The following ZBTB7C variants were observed in gnomAD, a reference collection of about 807,000 sequenced individuals.
The protein encoded by ZBTB7C is zinc finger and BTB domain containing 7C, also known as zinc finger and BTB domain-containing protein 7C.
In ZBTB7C, 8 loss-of-function variants were observed where a neutral mutation model predicts 25.7. That is an observed-to-expected ratio of 0.31 (90% CI 0.18 to 0.56). The LOEUF (loss-of-function observed/expected upper bound fraction) is 0.56, where lower values mean the gene tolerates loss of function less well. Ranked by LOEUF, ZBTB7C falls within the 20% of genes least tolerant of loss-of-function variation. The pLI, the probability that ZBTB7C is intolerant of heterozygous loss-of-function variation, is 0.91. For synonymous variants in ZBTB7C, 394 were observed against 369.0 expected, an observed-to-expected ratio of 1.07 and a Z score of -0.78; for missense variants, 824 against 855.2, an observed-to-expected ratio of 0.96 and a Z score of 0.46.
At chr18:48,388,783 A>G (rs186047717) in intron 1 of ZBTB7C, among the ~76,000 whole-genome samples, 14 of 152,332 alleles carry the variant, frequency 9.2e-5, no homozygotes, top group African/African-American at 3.1e-4. Flanking sequence ...ACTGGCAAAC[A>G]CTAGTATCAC....
At chr18:48,153,106 T>G (rs1568261127) in intron 3 of ZBTB7C, among the ~76,000 whole-genome samples, 1 of 152,268 alleles carries the variant, frequency 6.6e-6, no homozygotes, top group Non-Finnish European at 1.5e-5. Flanking sequence ...ACAAAAGGGC[T>G]GGACTCTGAA....
At chr18:48,095,347 A>C (rs563057955) in intron 3 of ZBTB7C, among the ~76,000 whole-genome samples, 1 of 152,338 alleles carries the variant, frequency 6.6e-6, no homozygotes, top group East Asian at 1.9e-4. Context: ...AGAGCAAGAA[A>C]GAACAAGCTG....
At chr18:48,124,539 C>T (rs1452412296) in intron 3 of ZBTB7C, among the ~76,000 whole-genome samples, 1 of 152,160 alleles carries the variant, frequency 6.6e-6, no homozygotes, top group African/African-American at 2.4e-5. Context: ...ATCTGCATTG[C>T]CCCCTGCTGT....
intron 3 of ZBTB7C, among the ~76,000 whole-genome samples, chr18:48,070,417 T>A (rs144448394): frequency 1.5e-3 from 230 of 152,206 alleles, no homozygotes; most frequent in Non-Finnish European, 2.6e-3. Context: ...GAGAAAAGGA[T>A]TGGTGCTATC....
At chr18:48,162,948 G>A (rs1021607439) in intron 3 of ZBTB7C, among the ~76,000 whole-genome samples, 3 of 148,164 alleles carry the variant, frequency 2.0e-5, no homozygotes, top group African/African-American at 7.3e-5. Flanking sequence ...CAGTCAGTAG[G>A]AAGGGCTGAG....
intron 2 of ZBTB7C, among the ~76,000 whole-genome samples, chr18:48,284,359 A>G (rs572424900): frequency 2.0e-5 from 3 of 151,828 alleles, no homozygotes; most frequent in Non-Finnish European, 2.9e-5. Flanking sequence ...GGATCACTTG[A>G]GCCCAGGAGG....
At chr18:48,346,299 T>G (rs1315577799) in intron 1 of ZBTB7C, among the ~76,000 whole-genome samples, 1 of 152,244 alleles carries the variant, frequency 6.6e-6, no homozygotes, top group Non-Finnish European at 1.5e-5. Flanking sequence ...CACAAGGCTC[T>G]TTGCCATGCT....
At chr18:48,389,451 T>C (rs2047845016) in intron 1 of ZBTB7C, among the ~76,000 whole-genome samples, 1 of 145,572 alleles carries the variant, frequency 6.9e-6, no homozygotes, top group Admixed American at 6.9e-5. Context: ...TTTACTTTCA[T>C]GACTCTTGGA....
rs541965128 is a variant in ZBTB7C, at chr18:48,225,977, G to A, written c.-78-39982C>T. 9.9e-5 allele frequency among the ~76,000 whole-genome samples: 15 copies of A among 152,260 alleles called. No individual in the cohort carries two copies. The East Asian group carries it at 1.5e-3, about 16-fold the overall frequency. ...AGGATGGTCTCGATCGCTTGACCTCGCGATCCACCCGCTTTGGCGTCCCAA... is the reference window on the plus strand; with the variant it reads ...AGGATGGTCTCGATCGCTTGACCTCACGATCCACCCGCTTTGGCGTCCCAA... On this transcript the variant is annotated intron_variant, in intron 2 of 4. Coordinates refer to ENST00000590800, the MANE Select transcript of ZBTB7C (RefSeq NM_001318841.2).
chr18:48,051,547 C>A (rs1364130776), intron 3 of ZBTB7C, among the ~76,000 whole-genome samples: 1 of 151,518 alleles, frequency 6.6e-6, no homozygotes, highest in East Asian at 1.9e-4. Context: ...CGGAATTATG[C>A]CTATTTGACA....
At chr18:48,206,299 T>C (rs995343266) in intron 2 of ZBTB7C, among the ~76,000 whole-genome samples, 7 of 152,170 alleles carry the variant, frequency 4.6e-5, no homozygotes, top group African/African-American at 9.7e-5. Flanking sequence ...TATTCACATA[T>C]GGTCACTATG....
intron 3 of ZBTB7C, among the ~76,000 whole-genome samples, chr18:48,064,365 C>T (rs747095971): frequency 1.3e-5 from 2 of 152,224 alleles, no homozygotes; most frequent in African/African-American, 4.8e-5. Context: ...CTTATCATGT[C>T]AATGACTCGT....
chr18:48,335,856 C>A (rs950489631), intron 2 of ZBTB7C, among the ~76,000 whole-genome samples: 1 of 152,184 alleles, frequency 6.6e-6, no homozygotes, highest in Non-Finnish European at 1.5e-5. Context: ...TGAAATATAT[C>A]ATTAAAATTA....
chr18:48,271,445 A>G (rs889426791), intron 2 of ZBTB7C, among the ~76,000 whole-genome samples: 1 of 150,184 alleles, frequency 6.7e-6, no homozygotes, highest in Non-Finnish European at 1.5e-5. Context: ...TTTATTTTAT[A>G]CATATATCAA....
chr18:48,318,343 C>A (rs1465289938), intron 2 of ZBTB7C, among the ~76,000 whole-genome samples: 1 of 152,192 alleles, frequency 6.6e-6, no homozygotes, highest in Non-Finnish European at 1.5e-5. Context: ...CTGCCCCCAT[C>A]CCTCCAGATG....
At chr18:48,256,654 T>C (rs1318938720) in intron 2 of ZBTB7C, among the ~76,000 whole-genome samples, 1 of 151,878 alleles carries the variant, frequency 6.6e-6, no homozygotes, top group Non-Finnish European at 1.5e-5. Flanking sequence ...AAAATAATAA[T>C]ATAATATGGG....
intron 4 of ZBTB7C, among the ~76,000 whole-genome samples, chr18:48,036,243 C>A (rs2035964484): frequency 6.6e-6 from 1 of 152,274 alleles, no homozygotes; most frequent in South Asian, 2.1e-4. Flanking sequence ...CGGCCTCTGT[C>A]CCTCCTCTCT....
At chr18:48,117,692 C>T (rs965333685) in intron 3 of ZBTB7C, among the ~76,000 whole-genome samples, 1 of 152,196 alleles carries the variant, frequency 6.6e-6, no homozygotes, top group Non-Finnish European at 1.5e-5. Context: ...TACAACAAAA[C>T]ACGTGTTCCA....
intron 2 of ZBTB7C, among the ~76,000 whole-genome samples, chr18:48,312,359 G>C (rs887128771): frequency 6.6e-6 from 1 of 152,130 alleles, no homozygotes; most frequent in African/African-American, 2.4e-5. Context: ...GCCTTTGCTG[G>C]CCACCCCACA....
Sources: gnomAD v4.1 joint callset for allele counts (sites outside exome capture counted in the v4.1 genomes callset) on GRCh38, gnomAD v4.1.1 for gene constraint, MANE v1.5 for transcripts, NCBI Gene and HGNC (gene_info 2026-07-23, HGNC 2026-07-21) for gene names.